STAG1: variants seen among roughly 807,000 people sequenced by gnomAD.
STAG1 encodes the protein cohesin subunit SA-1.
A neutral mutation model predicts 170.9 loss-of-function variants in STAG1; 26 were observed. The ratio of observed to expected loss-of-function variants is 0.15; its 90% CI spans 0.11 to 0.21. STAG1 has a LOEUF of 0.21. STAG1 is among the 10% of genes least tolerant of loss of function. STAG1 has a pLI of 1.00. For missense variants in STAG1, 964 were observed against 1,509.5 expected, an observed-to-expected ratio of 0.64 and a Z score of 5.99; for synonymous variants, 514 against 497.7, an observed-to-expected ratio of 1.03 and a Z score of -0.44.
At chr3:136,743,154 G>A (rs1484653983) in intron 1 of STAG1, among the ~76,000 whole-genome samples, 3 of 152,074 alleles carry the variant, frequency 2.0e-5, no homozygotes, top group Admixed American at 6.6e-5. Flanking sequence ...ACAGCTTGAG[G>A]CCAGGAATTC....
chr3:136,436,036 C>A (rs2088452033), intron 15 of STAG1, among the ~76,000 whole-genome samples: 1 of 152,132 alleles, frequency 6.6e-6, no homozygotes, highest in Admixed American at 6.5e-5. Flanking sequence ...CAGCTCACTG[C>A]AACCTCCGCC....
chr3:136,647,150 G>C (rs1002457086), intron 1 of STAG1, among the ~76,000 whole-genome samples: 2 of 151,982 alleles, frequency 1.3e-5, no homozygotes, highest in South Asian at 4.1e-4. Flanking sequence ...TAAATACCAT[G>C]CATAAATAAT....
At chr3:136,421,775 A>G (rs183042469) in intron 19 of STAG1, among the ~76,000 whole-genome samples, 1 of 152,330 alleles carries the variant, frequency 6.6e-6, no homozygotes, top group Non-Finnish European at 1.5e-5. Flanking sequence ...TCTATTCATT[A>G]GCATATCACA....
intron 1 of STAG1, among the ~76,000 whole-genome samples, chr3:136,642,089 G>A (rs1244228560): frequency 6.6e-6 from 1 of 151,960 alleles, no homozygotes; most frequent in Non-Finnish European, 1.5e-5. Context: ...ACAAAAGCTT[G>A]GCATTAGTGC....
rs1275150369 is a variant in STAG1 at position 136,678,869 on chromosome 3, AAAAG to A, written c.-83-47892_-83-47889del. 7.3e-5 allele frequency among the ~76,000 whole-genome samples: 11 copies of A among 150,846 alleles called. No homozygotes were observed. In the East Asian group the frequency reaches 2.1e-3, roughly 29 times the overall value. The stretch of plus-strand genomic sequence containing the variant: ...TGCTCACAAAAAAAAAAAAAAAAGA[AAAAG>A]AAGAAAAAGAAAAAAAAAAAACAAT... On this transcript the variant is annotated intron_variant, in intron 1 of 33. Coordinates refer to ENST00000383202, the MANE Select transcript of STAG1 (RefSeq NM_005862.3).
intron 1 of STAG1, among the ~76,000 whole-genome samples, chr3:136,638,069 C>T (rs1318537126): frequency 7.3e-5 from 11 of 150,876 alleles, no homozygotes; most frequent in Admixed American, 7.3e-4. Flanking sequence ...CTATGCCTGG[C>T]TAATTTTTTA....
At chr3:136,643,825 C>A (rs888846042) in intron 1 of STAG1, among the ~76,000 whole-genome samples, 13 of 152,080 alleles carry the variant, frequency 8.5e-5, no homozygotes, top group African/African-American at 3.1e-4. Flanking sequence ...ATATTCTTGA[C>A]AACTGAGGAA....
At chr3:136,711,062 T>TAA (rs1018354876) in intron 1 of STAG1, among the ~76,000 whole-genome samples, 2 of 149,136 alleles carry the variant, frequency 1.3e-5, no homozygotes, top group African/African-American at 4.9e-5. Context: ...AAAAGAAAAA[T>TAA]ATATATATAT....
intron 21 of STAG1, among the ~76,000 whole-genome samples, chr3:136,405,979 A>G (rs775678868): frequency 1.2e-4 from 19 of 152,154 alleles, no homozygotes; most frequent in Non-Finnish European, 2.8e-4. Context: ...ATGGTTTGAC[A>G]GTTTCTAATA....
At chr3:136,401,345 A>G (rs2087319553) in intron 21 of STAG1, among the ~76,000 whole-genome samples, 1 of 152,184 alleles carries the variant, frequency 6.6e-6, no homozygotes, top group Admixed American at 6.6e-5. Flanking sequence ...ACTTTCCTTA[A>G]TTCTGATATT....
rs190560629 is a variant in STAG1, at chr3:136,540,362, T to G, written c.471+1757A>C. 2.5e-3 allele frequency among the ~76,000 whole-genome samples: 377 copies of G among 152,206 alleles called. 2 individuals carry two copies. The highest frequency in any genetic ancestry group is 8.4e-3 in the African/African-American group (350 of 41,564). On this transcript the variant is annotated intron_variant, in intron 6 of 33. Transcript: ENST00000383202. ...TAGAATGGTGATTTTAAAAAAGTCT[T>G]CTTTGATGAAGCTGATCATCTCAAA...
chr3:136,477,939 G>A lies in STAG1; in HGVS notation c.903-527C>T, dbSNP rs181672754. 9.2e-3 allele frequency among the ~76,000 whole-genome samples: 1,403 copies of A among 152,194 alleles called. 28 individuals are homozygous for A. The highest frequency in any genetic ancestry group is 0.03 in the African/African-American group (1,251 of 41,514). ...CAAGTAGCTGAGACTACAGGTGCAA[G>A]CCACCACACCTGAGTAATTTTTGTA... On this transcript the variant is annotated intron_variant, in intron 9 of 33. Coordinates refer to ENST00000383202, the MANE Select transcript of STAG1 (RefSeq NM_005862.3).
In STAG1 at chr3:136,630,923, C is replaced by T; in HGVS notation, c.-25G>A. ...TTGCTGGAGAGGTCCTTTCACAATG[C>T]AGCAAAATAATCAAGTGCTGTACAA... On this transcript the variant is annotated 5_prime_UTR_variant, in exon 2 of 34. Coordinates refer to ENST00000383202, the MANE Select transcript of STAG1 (RefSeq NM_005862.3). 1 of 1,561,376 alleles carries T rather than the reference C, an allele frequency of 6.4e-7. No homozygotes were observed. Among genetic ancestry groups the T allele is most frequent in the Non-Finnish European group, 8.7e-7 (1 of 1,151,420 alleles).
intron 15 of STAG1, among the ~76,000 whole-genome samples, chr3:136,436,799 T>C (rs1339607820): frequency 6.6e-6 from 1 of 152,190 alleles, no homozygotes; most frequent in Non-Finnish European, 1.5e-5. Context: ...AGATACAACA[T>C]CTTGTTCTTT....
chr3:136,478,031 C>T (rs928551969), intron 9 of STAG1, among the ~76,000 whole-genome samples: 2 of 152,082 alleles, frequency 1.3e-5, no homozygotes, highest in Admixed American at 6.6e-5. Flanking sequence ...CTCAAGTGAT[C>T]CACCCACCTC....
chr3:136,677,151 T>C (rs183129282), intron 1 of STAG1, among the ~76,000 whole-genome samples: 460 of 152,328 alleles, frequency 3.0e-3, no homozygotes, highest in African/African-American at 9.6e-3. Context: ...GTACAATAAA[T>C]ATACAAACCA....
intron 9 of STAG1, among the ~76,000 whole-genome samples, chr3:136,498,220 A>ATG (rs1933237231): frequency 1.5e-5 from 1 of 64,764 alleles, no homozygotes; most frequent in African/African-American, 7.2e-5. Context: ...TTATATATAT[A>ATG]TATATATATA....
At chr3:136,472,574 A>G (rs2089652943) in intron 11 of STAG1, 82 bp from the exon 12 acceptor site, 1 of 909,392 alleles carries the variant, frequency 1.1e-6, no homozygotes. Flanking sequence ...ATTCTGGGAT[A>G]TATATGCAAT....
At chr3:136,557,242 A>G (rs1038595738) in intron 5 of STAG1, among the ~76,000 whole-genome samples, 3 of 152,162 alleles carry the variant, frequency 2.0e-5, no homozygotes, top group Admixed American at 6.5e-5. Context: ...CATTTTAAAA[A>G]AAGAAAAGAA....
Sources: allele counts gnomAD v4.1 joint callset (sites outside exome capture counted in the v4.1 genomes callset), GRCh38; gene constraint gnomAD v4.1.1; transcripts MANE v1.5; gene names NCBI Gene and HGNC (gene_info 2026-07-23, HGNC 2026-07-21).